The following FCSK variants were observed in gnomAD, a reference collection of about 807,000 sequenced individuals.
FCSK encodes the protein fucose kinase, also known as L-fucose kinase.
In FCSK, 123 loss-of-function variants were observed where a neutral mutation model predicts 122.5. That is an observed-to-expected ratio of 1.00 (90% CI 0.87 to 1.17). The LOEUF (loss-of-function observed/expected upper bound fraction) is 1.17. Among genes scored for constraint, FCSK ranks in the 50% most tolerant of loss-of-function variants. The pLI is 0.00. For missense variants in FCSK, 1,366 were observed against 1,450.4 expected, an observed-to-expected ratio of 0.94 and a Z score of 0.95; for synonymous variants, 620 against 625.5, an observed-to-expected ratio of 0.99 and a Z score of 0.13.
At chr16:70,472,705 G>C in intron 14 of FCSK, 100 bp downstream of exon 14, 1 of 1,014,702 alleles carries the variant, frequency 9.9e-7, no homozygotes, top group Non-Finnish European at 1.4e-6. Context: ...AGCACGGGCC[G>C]TGTTACCATC....
chr16:70,458,733 C>G (rs1312297481), intron 1 of FCSK, among the ~76,000 whole-genome samples: 1 of 152,164 alleles, frequency 6.6e-6, no homozygotes, highest in Non-Finnish European at 1.5e-5. Context: ...CAGGCATAAG[C>G]CACCATGCCT....
chr16:70,468,296 T>C (rs1333899430), intron 8 of FCSK, among the ~76,000 whole-genome samples: 1 of 152,166 alleles, frequency 6.6e-6, no homozygotes, highest in African/African-American at 2.4e-5. Context: ...GGTGTGTGCC[T>C]GTAATCCCAA....
chr16:70,458,666 T>C (rs572586957), intron 1 of FCSK, among the ~76,000 whole-genome samples: 5 of 151,990 alleles, frequency 3.3e-5, no homozygotes, highest in Admixed American at 2.6e-4. Flanking sequence ...GAGGCTGGTC[T>C]CGAACTCCTG....
At chr16:70,472,929 A>C in intron 14 of FCSK, 54 bp from the exon 15 acceptor site, 1 of 1,540,226 alleles carries the variant, frequency 6.5e-7, no homozygotes. Context: ...GGGCTTGGGG[A>C]AGAGACTGGA....
chr16:70,473,375 G>A lies in FCSK; in HGVS notation c.1777+22G>A. The A allele has an allele frequency of 6.8e-7, 1 of 1,471,248 alleles. No individual in the cohort carries two copies. Among genetic ancestry groups the A allele is most frequent in the Non-Finnish European group, 9.0e-7 (1 of 1,106,012 alleles). The allele number at this position is 1,471,248 out of a possible 1,614,324, so 91.1% of individuals were successfully genotyped here. A position where few individuals can be genotyped will look rare whatever the true frequency, so the allele number is the denominator to read the frequency against. ...CAGGGTGAGTGTGCAGGCTGGTAGT[G>A]CTGCAGAATCAGGCCAGGGGCACCT... On this transcript the variant is annotated intron_variant, in intron 15 of 23. Coordinates refer to ENST00000288078, the MANE Select transcript of FCSK (RefSeq NM_145059.3). The surrounding 1 kb of genome is among the most constrained non-coding windows in gnomAD (Gnocchi z 4.9).
rs765732689 is a variant in FCSK at position 70,466,887 on chromosome 16, C to G, written c.417C>G (p.Gly139=). Residue 139 remains glycine, a synonymous_variant, in exon 6 of 24, where the codon GGC becomes GGG. Transcript: ENST00000288078. ...CLLDIMTYRL[G]PGSPPGVWVC... is the part of the protein sequence containing the mutation. ...CTGTCTCCTTCCCCCCACAGCTGGG[C>G]CCGGGCTCCCCGCCAGGCGTGTGGG... The G allele has an allele frequency of 6.2e-7, 1 of 1,613,242 alleles. No individual in the cohort carries two copies. The highest frequency in any genetic ancestry group is 2.2e-5 in the East Asian group (1 of 44,874).
rs2048724470 is a variant in FCSK, at chr16:70,474,280, T to TGGA, written c.1931_1933dup (p.Gly644dup). 6.2e-7 allele frequency: 1 copy of TGGA among 1,613,334 alleles called. No individual in the cohort carries two copies. The highest frequency in any genetic ancestry group is 1.3e-5 in the African/African-American group (1 of 74,900). On this transcript the variant is annotated inframe_insertion, in exon 16 of 24. Transcript: ENST00000288078. ...TGCGGCCCTTCTCATACCTGGAGTGTGGAGACCTGGCAGCGGGCGTGGAGG... is the reference window on the plus strand; with the variant it reads ...TGCGGCCCTTCTCATACCTGGAGTGTGGAGGAGACCTGGCAGCGGGCGTGGAGG...
intron 13 of FCSK, 28 bp from the exon 14 acceptor site, chr16:70,472,513 G>A: frequency 6.3e-7 from 1 of 1,599,282 alleles, no homozygotes; most frequent in Non-Finnish European, 8.6e-7. Context: ...GGCCCCTGCA[G>A]CCCTGACTGC....
In FCSK at chr16:70,467,395, G is replaced by A. The variant is rs754115396; in HGVS notation, c.506G>A (p.Arg169Gln). Residue 169 changes from arginine to glutamine, a missense_variant, in exon 7 of 24, where the codon CGG becomes CAG. Coordinates refer to ENST00000288078, the MANE Select transcript of FCSK (RefSeq NM_145059.3). ...ACAGGTATCAGCTGGGACAGCTTCCGGGGAGCCAGAGTGATCGCCCTCCCA... is the reference window on the plus strand; with the variant it reads ...ACAGGTATCAGCTGGGACAGCTTCCAGGGAGCCAGAGTGATCGCCCTCCCA... ...ANPGISWDSF[R>Q]GARVIALPGS... 9.3e-6 allele frequency: 15 copies of A among 1,609,850 alleles called. No homozygotes were observed. Among genetic ancestry groups the A allele is most frequent in the Non-Finnish European group, 1.2e-5 (14 of 1,178,586 alleles).
chr16:70,468,179 T>C (rs1284798488), intron 8 of FCSK, among the ~76,000 whole-genome samples: 1 of 152,136 alleles, frequency 6.6e-6, no homozygotes, highest in Non-Finnish European at 1.5e-5. Flanking sequence ...CCCAGCACTT[T>C]AGGAGGCTGA....
chr16:70,465,189 T>C lies in FCSK; in HGVS notation c.285+13T>C, dbSNP rs779475926. 7 of 1,604,172 alleles carry C rather than the reference T, an allele frequency of 4.4e-6. 1 individual carries two copies. The Admixed American group carries it at 5.0e-5, about 12-fold the overall frequency. On this transcript the variant is annotated intron_variant, in intron 4 of 23. Coordinates refer to ENST00000288078, the MANE Select transcript of FCSK (RefSeq NM_145059.3). ...CATTCTGCACATGGTAAATGAACTT[T>C]GGGGCAGGGGCCAAGCAGAAGGCCA...
chr16:70,465,388 T>G (rs183855155), intron 4 of FCSK, among the ~76,000 whole-genome samples: 1 of 152,336 alleles, frequency 6.6e-6, no homozygotes, highest in Non-Finnish European at 1.5e-5. Flanking sequence ...CCGGGCGCAG[T>G]GGCTCATGCC....
intron 20 of FCSK, chr16:70,475,969 C>A: frequency 1.9e-6 from 1 of 513,616 alleles, no homozygotes; most frequent in Non-Finnish European, 3.3e-6. Flanking sequence ...CGAGCCGTTT[C>A]ACAAGCATCT....
intron 20 of FCSK, among the ~76,000 whole-genome samples, chr16:70,476,012 T>A (rs939988615): frequency 6.6e-5 from 10 of 152,128 alleles, no homozygotes; most frequent in Non-Finnish European, 1.3e-4. Context: ...GTGCCCTTTT[T>A]TTTTTTTTGA....
Position 70,479,300 on chromosome 16 carries a change from A to G in FCSK, c.3050A>G (p.His1017Arg). The G allele has an allele frequency of 1.2e-6, 2 of 1,614,042 alleles. No individual in the cohort carries two copies. Among genetic ancestry groups the G allele is most frequent in the Middle Eastern group, 1.6e-4 (1 of 6,062 alleles). ...RMMDVLAPHV[H>R]GQSLAGAGGG... is the part of the protein sequence containing the mutation. ...ATGGATGTCCTGGCCCCCCACGTGC[A>G]TGGCCAGAGCCTGGCTGGGGCAGGC... Residue 1017 changes from histidine to arginine, a missense_variant, in exon 23 of 24, where the codon CAT (histidine) becomes CGT (arginine). By Grantham distance (29) the His-to-Arg change is conservative. Transcript: ENST00000288078.
chr16:70,454,697 C>T (rs1396529621), intron 1 of FCSK, 67 bp downstream of exon 1: 2 of 152,236 alleles, frequency 1.3e-5, no homozygotes, highest in African/African-American at 4.8e-5. Flanking sequence ...GCCCCCTCAG[C>T]TTTCCGGTGC....
intron 1 of FCSK, among the ~76,000 whole-genome samples, chr16:70,462,846 T>C (rs1446872648): frequency 6.6e-6 from 1 of 151,814 alleles, no homozygotes; most frequent in Non-Finnish European, 1.5e-5. Context: ...GGTTTCACCA[T>C]GTTGGCCAGG....
At position 70,466,859 on chromosome 16, in the gene FCSK, G is replaced by T. The variant is rs368019828; in HGVS notation, c.412-23G>T. 5 of 1,609,572 alleles carry T rather than the reference G, an allele frequency of 3.1e-6. No individual in the cohort carries two copies. In the South Asian group the frequency reaches 3.3e-5, roughly 11 times the overall value. On this transcript the variant is annotated intron_variant, in intron 5 of 23. Transcript: ENST00000288078. Reference sequence around the variant, plus strand: ...AAGGCCTGGGCCAGGCACCAGCTGTGTTCTGTCTCCTTCCCCCCACAGCTG... The same window carrying T: ...AAGGCCTGGGCCAGGCACCAGCTGTTTTCTGTCTCCTTCCCCCCACAGCTG...
chr16:70,466,165 G>A lies in FCSK; in HGVS notation c.319G>A (p.Ala107Thr). 6.2e-7 allele frequency: 1 copy of A among 1,613,870 alleles called. No individual in the cohort carries two copies. Among genetic ancestry groups the A allele is most frequent in the Non-Finnish European group, 8.5e-7 (1 of 1,179,852 alleles). Reference sequence around the variant, plus strand: ...CTTCCCCTTTGATGACTGTGGCAGGGCTTTCACCTGCCTCCCCGTGGAGAA... The same window carrying A: ...CTTCCCCTTTGATGACTGTGGCAGGACTTTCACCTGCCTCCCCGTGGAGAA... ...RDFPFDDCGR[A>T]FTCLPVENPE... The change falls in exon 5 of 24, where the codon GCT becomes ACT. Residue 107 changes from alanine (A) to threonine (T), a missense_variant. Transcript: ENST00000288078.
Sources: allele counts gnomAD v4.1 joint callset (sites outside exome capture counted in the v4.1 genomes callset), GRCh38; gene constraint gnomAD v4.1.1; non-coding constraint Gnocchi (gnomAD v3.1); transcripts MANE v1.5; gene names NCBI Gene and HGNC (gene_info 2026-07-23, HGNC 2026-07-21).